PARVB: variants seen among roughly 807,000 people sequenced by gnomAD.
PARVB encodes parvin beta, also known as beta-parvin.
In PARVB, 46 loss-of-function variants were observed where a neutral mutation model predicts 47.0. The ratio of observed to expected loss-of-function variants is 0.98; its 90% CI spans 0.77 to 1.25. The LOEUF (loss-of-function observed/expected upper bound fraction) is 1.25. Ranked by LOEUF, PARVB falls within the 50% of genes most tolerant of loss-of-function variation. PARVB has a pLI of 0.00. For missense variants in PARVB, 473 were observed against 471.6 expected (o/e 1.00, Z -0.03); for synonymous variants, 196 against 196.3 (o/e 1.00, Z 0.01).
In PARVB at chr22:44,016,166, G is replaced by A. The variant is rs369512079; in HGVS notation, c.211+16493G>A. Among the ~76,000 whole-genome samples the A allele has an allele frequency of 4.9e-5, 7 of 143,628 alleles. No individual in the cohort carries two copies. The South Asian group carries it at 1.1e-3, about 22-fold the overall frequency. The allele number at this position is 143,628 out of a possible 152,430, so 94.2% of individuals were successfully genotyped here. On this transcript the variant is annotated intron_variant, in intron 2 of 13. Coordinates refer to the PARVB transcript ENST00000406477. Reference sequence around the variant, plus strand: ...GGCTGGAGTGCAGTGGCGTGATCTCGGCTCACTGCAAGCTCCACCTCCCAG... The same window carrying A: ...GGCTGGAGTGCAGTGGCGTGATCTCAGCTCACTGCAAGCTCCACCTCCCAG...
chr22:44,086,228 A>G lies in PARVB; in HGVS notation c.113-7700A>G, dbSNP rs573893519. Among the ~76,000 whole-genome samples, 8 of 152,344 alleles carry G rather than the reference A, an allele frequency of 5.3e-5. 1 individual carries two copies. The South Asian group carries it at 1.7e-3, about 32-fold the overall frequency. On this transcript the variant is annotated intron_variant, in intron 1 of 12. Transcript: ENST00000338758. ...GGCATCCTGCATGACAAGGGCCCAC[A>G]TCCATTTCTCGGCAAAAACAAACTA... is the stretch of plus-strand genomic sequence containing the variant.
At chr22:44,015,062 G>T (rs1445027151) in intron 2 of PARVB, among the ~76,000 whole-genome samples, 1 of 151,978 alleles carries the variant, frequency 6.6e-6, no homozygotes, top group African/African-American at 2.4e-5. Context: ...TGTTGGCCAG[G>T]CTGGTCTGAA....
rs142946014 is a variant in PARVB, at chr22:44,058,825, G to A, written c.112+34374G>A. Among the ~76,000 whole-genome samples the A allele has an allele frequency of 5.3e-3, 808 of 152,090 alleles. 11 individuals carry two copies. The highest frequency in any genetic ancestry group is 0.019 in the African/African-American group (772 of 41,472). On this transcript the variant is annotated intron_variant, in intron 1 of 12. Coordinates refer to ENST00000338758, the MANE Select transcript of PARVB (RefSeq NM_013327.5). ...CTGCCTCAGCCTCCCAAAGTGCTGG[G>A]ATTACAGGCATGAGCCTCTGCGCCC...
chr22:44,038,872 C>G (rs2050968068), intron 1 of PARVB, among the ~76,000 whole-genome samples: 1 of 152,174 alleles, frequency 6.6e-6, no homozygotes, highest in African/African-American at 2.4e-5. Context: ...TGATAAAAGA[C>G]TGGGGTCCAG....
rs981651347 is a variant in PARVB at position 44,049,432 on chromosome 22, A to T, written c.112+24981A>T. Among the ~76,000 whole-genome samples, 1 of 152,128 alleles carries T rather than the reference A, an allele frequency of 6.6e-6. No individual in the cohort carries two copies. The highest frequency in any genetic ancestry group is 1.5e-5 in the Non-Finnish European group (1 of 68,020). On this transcript the variant is annotated intron_variant, in intron 1 of 12. Coordinates refer to ENST00000338758, the MANE Select transcript of PARVB (RefSeq NM_013327.5). The surrounding 1 kb of genome is among the most constrained non-coding windows in gnomAD (Gnocchi z 4.0). ...TGATTAAATTTGAGGTTCGTTTCTC[A>T]AGTTTAGCTCTTGTCTGATTAAATT...
At chr22:44,082,247 G>C (rs1039114366) in intron 1 of PARVB, among the ~76,000 whole-genome samples, 1 of 152,200 alleles carries the variant, frequency 6.6e-6, no homozygotes, top group Non-Finnish European at 1.5e-5. Context: ...GGCCAGGTGC[G>C]GTGGTTCGTG....
chr22:44,148,166 A>AC (rs2053727950), intron 9 of PARVB: 1 of 543,592 alleles, frequency 1.8e-6, no homozygotes, highest in Admixed American at 3.1e-5. Flanking sequence ...TAAGTGAATT[A>AC]CCCAGCCCCC....
At chr22:44,056,165 G>A (rs1202514223) in intron 1 of PARVB, among the ~76,000 whole-genome samples, 1 of 152,228 alleles carries the variant, frequency 6.6e-6, no homozygotes, top group African/African-American at 2.4e-5. Flanking sequence ...CCTATGACTC[G>A]AGTTTACGCA....
chr22:44,106,172 C>A (rs1196130933), intron 3 of PARVB: 2 of 130,158 alleles, frequency 1.5e-5, no homozygotes, highest in East Asian at 2.2e-4. Context: ...TTTTGCTCTA[C>A]CCCAAACCTG....
intron 1 of PARVB, among the ~76,000 whole-genome samples, chr22:44,046,181 G>T (rs976413562): frequency 3.3e-5 from 5 of 152,228 alleles, no homozygotes; most frequent in Non-Finnish European, 7.3e-5. Flanking sequence ...GCTGTTGTCA[G>T]TGGGATTGTT....
rs1317909899 is a variant in PARVB at position 44,169,175 on chromosome 22, C to T, written c.*497C>T. 3 of 147,708 alleles carry T rather than the reference C, an allele frequency of 2.0e-5. No individual in the cohort carries two copies. The highest frequency in any genetic ancestry group is 5.7e-5 in the African/African-American group (2 of 35,368). 9.1% of individuals were successfully genotyped at this position (147,708 alleles called of 1,614,324 possible). A position where few individuals can be genotyped will look rare whatever the true frequency, so the allele number is the denominator to read the frequency against. On this transcript the variant is annotated 3_prime_UTR_variant, in exon 13 of 13. Transcript: ENST00000338758. Reference sequence around the variant, plus strand: ...CGGGGATCTCCTGGGCTGGGCTCTCCTTGGAAGTGAGGCCTTTTATTAAAA... The same window carrying T: ...CGGGGATCTCCTGGGCTGGGCTCTCTTTGGAAGTGAGGCCTTTTATTAAAA...
chr22:44,075,319 A>G (rs1801015716), intron 1 of PARVB, among the ~76,000 whole-genome samples: 1 of 152,212 alleles, frequency 6.6e-6, no homozygotes, highest in Non-Finnish European at 1.5e-5. Context: ...GACTATTTTT[A>G]GAGCACTTTT....
chr22:44,075,555 G>T (rs2051751312), intron 1 of PARVB, among the ~76,000 whole-genome samples: 1 of 152,126 alleles, frequency 6.6e-6, no homozygotes, highest in African/African-American at 2.4e-5. Flanking sequence ...GACCCCCATG[G>T]TAGCAGTGAC....
chr22:44,072,642 A>C (rs747450647), intron 1 of PARVB, among the ~76,000 whole-genome samples: 18 of 152,012 alleles, frequency 1.2e-4, no homozygotes, highest in Non-Finnish European at 2.5e-4. Context: ...GGGCTTCACC[A>C]TGTTGGCCAG....
At chr22:44,036,180 C>G (rs1601508421) in intron 1 of PARVB, among the ~76,000 whole-genome samples, 2 of 152,052 alleles carry the variant, frequency 1.3e-5, no homozygotes, top group African/African-American at 4.8e-5. Flanking sequence ...TCACTTGAAC[C>G]CAGGAGGCAG....
chr22:44,021,865 C>T (rs534366161), upstream of PARVB, among the ~76,000 whole-genome samples: 7 of 150,858 alleles, frequency 4.6e-5, no homozygotes, highest in East Asian at 3.9e-4. Flanking sequence ...TTCTACAGGC[C>T]GAGGAACATG....
intron 4 of PARVB, among the ~76,000 whole-genome samples, chr22:44,127,330 C>T (rs1055089229): frequency 6.6e-6 from 1 of 152,078 alleles, no homozygotes; most frequent in African/African-American, 2.4e-5. Context: ...TGTCTTGCCT[C>T]ATTTTGTGAA....
At chr22:44,164,679 G>A (rs2054128088) in intron 12 of PARVB, among the ~76,000 whole-genome samples, 2 of 152,172 alleles carry the variant, frequency 1.3e-5, no homozygotes, top group Non-Finnish European at 2.9e-5. Flanking sequence ...CTGTGGTTTA[G>A]TGCCCTGGGC....
At chr22:44,071,935 G>A (rs776868049) in intron 1 of PARVB, among the ~76,000 whole-genome samples, 25 of 152,322 alleles carry the variant, frequency 1.6e-4, no homozygotes, top group Middle Eastern at 6.8e-3. Flanking sequence ...GCAGCTGGGC[G>A]GCCTCTTCTG....
Sources: gnomAD v4.1 joint callset for allele counts (sites outside exome capture counted in the v4.1 genomes callset) on GRCh38, gnomAD v4.1.1 for gene constraint, Gnocchi (gnomAD v3.1) non-coding constraint, MANE v1.5 for transcripts, NCBI Gene and HGNC (gene_info 2026-07-23, HGNC 2026-07-21) for gene names.